The following MEIS1 variants were observed in gnomAD, a reference collection of about 807,000 sequenced individuals.
MEIS1 encodes Meis homeobox 1.
Under a neutral mutation model 50.8 loss-of-function variants are expected in MEIS1, and 5 were observed. That is an observed-to-expected ratio of 0.10 (90% CI 0.05 to 0.21). The LOEUF (loss-of-function observed/expected upper bound fraction) is 0.21, where lower values mean the gene tolerates loss of function less well. MEIS1 is among the 10% of genes least tolerant of loss of function. MEIS1 has a pLI of 1.00. For synonymous variants in MEIS1, 176 were observed against 179.3 expected (o/e 0.98, Z 0.15); for missense variants, 318 against 517.3 (o/e 0.61, Z 3.74).
chr2:66,536,142 T>C (rs1218848597), intron 8 of MEIS1, among the ~76,000 whole-genome samples: 1 of 152,170 alleles, frequency 6.6e-6, no homozygotes, highest in Non-Finnish European at 1.5e-5. Flanking sequence ...TGAATATTAA[T>C]AGGAGTGATG....
chr2:66,475,209 A>AATAACATATGTATTATTTATTTT (rs1553373619), intron 7 of MEIS1, among the ~76,000 whole-genome samples: 6 of 145,968 alleles, frequency 4.1e-5, no homozygotes, highest in African/African-American at 1.5e-4. Context: ...CACCTATATA[A>AATAACATATGTATTATTTATTTT]ATAAATATGT....
intron 3 of MEIS1, 113 bp from the exon 4 acceptor site, chr2:66,440,449 T>A (rs528374048): frequency 1.1e-6 from 1 of 910,840 alleles, no homozygotes; most frequent in African/African-American, 1.6e-5. Flanking sequence ...GAGGGTTACT[T>A]CCTGCCCCCG....
intron 7 of MEIS1, among the ~76,000 whole-genome samples, chr2:66,482,902 A>T (rs764653559): frequency 2.0e-5 from 3 of 152,154 alleles, no homozygotes; most frequent in Non-Finnish European, 4.4e-5. Context: ...GCAACCCAAT[A>T]TTGGTCTCTA....
chr2:66,443,236 C>A, intron 6 of MEIS1, 188 bp downstream of exon 6: 1 of 597,856 alleles, frequency 1.7e-6, no homozygotes, highest in Non-Finnish European at 2.7e-6. Flanking sequence ...CTCTGGGATT[C>A]GACCTGAAGA....
At chr2:66,528,017 G>A (rs189709128) in intron 8 of MEIS1, among the ~76,000 whole-genome samples, 2 of 152,286 alleles carry the variant, frequency 1.3e-5, no homozygotes, top group East Asian at 1.9e-4. Flanking sequence ...GGAGTGAACA[G>A]AACAGTCAGA....
intron 6 of MEIS1, among the ~76,000 whole-genome samples, chr2:66,459,726 C>T (rs1672476284): frequency 6.6e-6 from 1 of 152,050 alleles, no homozygotes; most frequent in Non-Finnish European, 1.5e-5. Context: ...ATGAATGGCT[C>T]TCAGGTTTAT....
intron 9 of MEIS1, among the ~76,000 whole-genome samples, chr2:66,558,678 G>A (rs1675136545): frequency 6.6e-6 from 1 of 152,088 alleles, no homozygotes; most frequent in African/African-American, 2.4e-5. Flanking sequence ...TAACCAGACG[G>A]AACTAGAAAT....
intron 9 of MEIS1, among the ~76,000 whole-genome samples, chr2:66,565,988 A>C (rs1230883877): frequency 6.6e-6 from 1 of 152,206 alleles, no homozygotes; most frequent in Admixed American, 6.5e-5. Context: ...ATGGAGAATT[A>C]ATCTAACCTT....
chr2:66,509,379 T>C (rs1439709052), intron 7 of MEIS1, among the ~76,000 whole-genome samples: 1 of 152,228 alleles, frequency 6.6e-6, no homozygotes, highest in Admixed American at 6.5e-5. Context: ...AAGCATTTGC[T>C]TCCAATGAAA....
intron 9 of MEIS1, among the ~76,000 whole-genome samples, chr2:66,552,487 C>A (rs959104126): frequency 6.6e-6 from 1 of 152,138 alleles, no homozygotes; most frequent in Non-Finnish European, 1.5e-5. Context: ...CAGGTTCCAT[C>A]CTAGCAGCCA....
intron 8 of MEIS1, among the ~76,000 whole-genome samples, chr2:66,520,946 A>G (rs944785971): frequency 6.6e-6 from 1 of 152,224 alleles, no homozygotes; most frequent in African/African-American, 2.4e-5. Flanking sequence ...TGGGAGTTCA[A>G]AGATATAATT....
chr2:66,475,554 A>C (rs996631517), intron 7 of MEIS1, among the ~76,000 whole-genome samples: 2 of 152,138 alleles, frequency 1.3e-5, no homozygotes, highest in African/African-American at 4.8e-5. Flanking sequence ...GACTAGAAAT[A>C]GGTATTAATT....
At chr2:66,440,678 A>G in intron 4 of MEIS1, 66 bp downstream of exon 4, 1 of 965,198 alleles carries the variant, frequency 1.0e-6, no homozygotes, top group African/African-American at 3.0e-5. Flanking sequence ...CAACGCCCTC[A>G]GCTTTGCTTT....
chr2:66,447,114 A>G (rs905974091), intron 6 of MEIS1, among the ~76,000 whole-genome samples: 19 of 152,182 alleles, frequency 1.2e-4, no homozygotes, highest in Admixed American at 1.0e-3. Flanking sequence ...TCCTGCATGG[A>G]TGGGATCTGC....
At chr2:66,553,576 GTAT>G (rs1674979439) in intron 9 of MEIS1, among the ~76,000 whole-genome samples, 1 of 152,216 alleles carries the variant, frequency 6.6e-6, no homozygotes, top group Non-Finnish European at 1.5e-5. Context: ...GACAGGCAGG[GTAT>G]TATTAGGAAA....
chr2:66,529,431 A>G (rs1365695422), intron 8 of MEIS1, among the ~76,000 whole-genome samples: 1 of 152,150 alleles, frequency 6.6e-6, no homozygotes, highest in East Asian at 1.9e-4. Context: ...TTATTTGTTT[A>G]TCTACTTCTT....
Position 66,563,981 on chromosome 2 carries a change from T to C in MEIS1, c.966-3472T>C, listed in dbSNP as rs556482914. Among the ~76,000 whole-genome samples the C allele has an allele frequency of 2.6e-5, 4 of 152,350 alleles. No individual in the cohort carries two copies. The South Asian group carries it at 6.2e-4, about 24-fold the overall frequency. ...TGCTATTTACTTTGTTGTTTTCACA[T>C]AGATGTCCATCATGACCCCAAATAA... On this transcript the variant is annotated intron_variant, in intron 9 of 12. Transcript: ENST00000272369.
chr2:66,495,858 C>T (rs1673389578), intron 7 of MEIS1, among the ~76,000 whole-genome samples: 1 of 152,132 alleles, frequency 6.6e-6, no homozygotes, highest in Non-Finnish European at 1.5e-5. Flanking sequence ...ATCTAGCACC[C>T]AAAGAGTGTA....
chr2:66,470,288 G>A lies in MEIS1; in HGVS notation c.742+6068G>A, dbSNP rs565131801. On this transcript the variant is annotated intron_variant, in intron 7 of 12. Coordinates refer to ENST00000272369, the MANE Select transcript of MEIS1 (RefSeq NM_002398.3). ...GCAAATTAAAGTGTGGCCTTTGCAT[G>A]CAGTGGCAGGCAGAATAGGAAAATG... 3.3e-5 allele frequency among the ~76,000 whole-genome samples: 5 copies of A among 152,320 alleles called. No individual in the cohort carries two copies. In the South Asian group the frequency reaches 1.0e-3, roughly 32 times the overall value.
Sources: gnomAD v4.1 joint callset for allele counts (sites outside exome capture counted in the v4.1 genomes callset) on GRCh38, gnomAD v4.1.1 for gene constraint, MANE v1.5 for transcripts, NCBI Gene and HGNC (gene_info 2026-07-23, HGNC 2026-07-21) for gene names.